Variants in CAB39 observed in about 807,000 individuals in gnomAD.
The protein encoded by CAB39 is calcium binding protein 39, also known as calcium-binding protein 39.
In CAB39, 8 loss-of-function variants were observed where a neutral mutation model predicts 40.0. The ratio of observed to expected loss-of-function variants is 0.20; its 90% CI spans 0.12 to 0.36. The LOEUF (loss-of-function observed/expected upper bound fraction) is 0.36. Among genes scored for constraint, CAB39 ranks in the 10% least tolerant of loss-of-function variants. CAB39 has a pLI of 1.00. For synonymous variants in CAB39, 156 were observed against 141.6 expected (o/e 1.10, Z -0.72); for missense variants, 270 against 401.1 (o/e 0.67, Z 2.79).
At chr2:230,732,181 A>G (rs569621342) in intron 1 of CAB39, among the ~76,000 whole-genome samples, 1 of 151,940 alleles carries the variant, frequency 6.6e-6, no homozygotes, top group South Asian at 2.1e-4. Context: ...TCCCGGGTCC[A>G]CGCCATTCTC....
chr2:230,724,462 A>G (rs545757031), intron 1 of CAB39, among the ~76,000 whole-genome samples: 1 of 151,976 alleles, frequency 6.6e-6, no homozygotes, highest in Admixed American at 6.6e-5. Flanking sequence ...TGGGCGGATC[A>G]CCTGAGGTCA....
intron 2 of CAB39, among the ~76,000 whole-genome samples, chr2:230,766,552 T>C (rs903488518): frequency 2.0e-5 from 3 of 152,196 alleles, no homozygotes; most frequent in Admixed American, 1.3e-4. Flanking sequence ...ATGTGTTTTC[T>C]TGGGACAGGG....
intron 2 of CAB39, among the ~76,000 whole-genome samples, chr2:230,782,364 G>C (rs1695701821): frequency 6.6e-6 from 1 of 152,038 alleles, no homozygotes; most frequent in South Asian, 2.1e-4. Context: ...TTAAAATGTG[G>C]GAGGGGGGAT....
chr2:230,748,643 T>C (rs1307718121), intron 1 of CAB39, among the ~76,000 whole-genome samples: 1 of 150,886 alleles, frequency 6.6e-6, no homozygotes, highest in Non-Finnish European at 1.5e-5. Context: ...CCATCTCTAC[T>C]AAAAATACAA....
At chr2:230,771,717 G>C (rs193278097) in intron 2 of CAB39, among the ~76,000 whole-genome samples, 2 of 152,112 alleles carry the variant, frequency 1.3e-5, no homozygotes, top group Non-Finnish European at 2.9e-5. Context: ...AAAAAGCTAC[G>C]GTTGTTAAAA....
intron 1 of CAB39, among the ~76,000 whole-genome samples, chr2:230,729,567 A>G (rs1005900166): frequency 2.6e-5 from 4 of 152,068 alleles, no homozygotes; most frequent in African/African-American, 7.2e-5. Flanking sequence ...CCTGGCCAAC[A>G]TGGTGAAACC....
intron 1 of CAB39, among the ~76,000 whole-genome samples, chr2:230,716,572 TG>T (rs1470489284): frequency 6.6e-6 from 1 of 152,252 alleles, no homozygotes; most frequent in Non-Finnish European, 1.5e-5. Context: ...ATTTAAAAAA[TG>T]TTTTAATTAA....
chr2:230,732,377 C>G (rs371734531), intron 1 of CAB39, among the ~76,000 whole-genome samples: 1 of 152,138 alleles, frequency 6.6e-6, no homozygotes, highest in African/African-American at 2.4e-5. Flanking sequence ...CCACCGCGCC[C>G]GGCCGAAATT....
intron 2 of CAB39, among the ~76,000 whole-genome samples, chr2:230,762,213 G>GT (rs1344216078): frequency 1.3e-5 from 2 of 152,022 alleles, no homozygotes; most frequent in African/African-American, 4.8e-5. Flanking sequence ...CAGCTGGTAA[G>GT]TGGTATTGTA....
rs546906054 is a variant in CAB39, at chr2:230,733,652, G to A, written c.-44+20422G>A. Among the ~76,000 whole-genome samples the A allele has an allele frequency of 1.6e-4, 24 of 152,282 alleles. No individual in the cohort carries two copies. The South Asian group carries it at 5.0e-3, about 32-fold the overall frequency. Reference sequence around the variant, plus strand: ...AATTGGGGAGTTGCAGATTTTAAATGGTTGTTACTGGATGCCTTATAACTC... The same window carrying A: ...AATTGGGGAGTTGCAGATTTTAAATAGTTGTTACTGGATGCCTTATAACTC... On this transcript the variant is annotated intron_variant, in intron 1 of 8. Coordinates refer to ENST00000258418, the MANE Select transcript of CAB39 (RefSeq NM_016289.4).
intron 4 of CAB39, among the ~76,000 whole-genome samples, chr2:230,797,724 T>A (rs1324108663): frequency 6.6e-6 from 1 of 151,968 alleles, no homozygotes; most frequent in Non-Finnish European, 1.5e-5. Flanking sequence ...AGGCAACAGG[T>A]GAAGACCTCA....
intron 1 of CAB39, among the ~76,000 whole-genome samples, chr2:230,750,158 G>A (rs1214668109): frequency 6.6e-6 from 1 of 152,184 alleles, no homozygotes; most frequent in Non-Finnish European, 1.5e-5. Context: ...TTTGAATGTT[G>A]TTTATTTCCA....
In CAB39 at chr2:230,812,602, T is replaced by G. The variant is rs139174035; in HGVS notation, c.628-1447T>G. On this transcript the variant is annotated intron_variant, in intron 6 of 8. Transcript: ENST00000258418. ...CTGATTAAAAGCAGGTCCAGTTGTT[T>G]TGATCATCAGTTTGATGATAATTTG... is the stretch of plus-strand genomic sequence containing the variant. Among the ~76,000 whole-genome samples, 125 of 152,352 alleles carry G rather than the reference T, an allele frequency of 8.2e-4. 1 individual carries two copies. The highest frequency in any genetic ancestry group is 3.2e-4 in the Non-Finnish European group (22 of 68,038).
intron 2 of CAB39, among the ~76,000 whole-genome samples, chr2:230,769,139 A>G (rs1312378458): frequency 6.6e-6 from 1 of 152,234 alleles, no homozygotes; most frequent in African/African-American, 2.4e-5. Context: ...CTTCAGAGCA[A>G]AGAATATTAC....
intron 2 of CAB39, chr2:230,779,130 A>T (rs1049283761): frequency 6.6e-6 from 1 of 152,156 alleles, no homozygotes; most frequent in Non-Finnish European, 1.5e-5. Flanking sequence ...GTAATTAAAG[A>T]TGAAGTTGTT....
chr2:230,812,255 A>G (rs764425592), intron 6 of CAB39, among the ~76,000 whole-genome samples: 7 of 152,252 alleles, frequency 4.6e-5, no homozygotes, highest in African/African-American at 7.2e-5. Flanking sequence ...AAGTTACAGT[A>G]TCATGTAGTG....
At chr2:230,729,937 A>C (rs1379860805) in intron 1 of CAB39, among the ~76,000 whole-genome samples, 1 of 152,146 alleles carries the variant, frequency 6.6e-6, no homozygotes, top group Non-Finnish European at 1.5e-5. Context: ...AAGTGAAAAA[A>C]GACTTAAGAA....
intron 7 of CAB39, among the ~76,000 whole-genome samples, chr2:230,817,511 TC>T (rs528421273): frequency 1.4e-4 from 21 of 152,158 alleles, no homozygotes; most frequent in African/African-American, 4.3e-4. Flanking sequence ...ATCTTGAACA[TC>T]CTCTGCAGAG....
In CAB39 at chr2:230,748,831, AATATATATATATATATAT is replaced by A. The variant is rs71052546; in HGVS notation, c.-43-11108_-43-11091del. Among the ~76,000 whole-genome samples, 50 of 28,516 alleles carry A rather than the reference AATATATATATATATATAT, an allele frequency of 1.8e-3. 1 individual carries two copies. Among genetic ancestry groups the A allele is most frequent in the Admixed American group, 5.9e-3 (9 of 1,536 alleles). 18.7% of individuals were successfully genotyped at this position (28,516 alleles called of 152,430 possible). ...CCAAAAAGAAAAAAAAAAAAAAAAA[AATATATATATATATATAT>A]ATATATATATATATATATAACAAAA... On this transcript the variant is annotated intron_variant, in intron 1 of 8. Coordinates refer to ENST00000258418, the MANE Select transcript of CAB39 (RefSeq NM_016289.4).
Sources: gnomAD v4.1 joint callset for allele counts (sites outside exome capture counted in the v4.1 genomes callset) on GRCh38, gnomAD v4.1.1 for gene constraint, MANE v1.5 for transcripts, NCBI Gene and HGNC (gene_info 2026-07-23, HGNC 2026-07-21) for gene names.